The following SPINK5 variants were observed in gnomAD, a reference collection of about 807,000 sequenced individuals.
The protein encoded by SPINK5 is serine peptidase inhibitor Kazal type 5, also known as serine protease inhibitor Kazal-type 5.
SPINK5 carries 125 observed loss-of-function variants against 151.8 expected under a neutral mutation model. The ratio of observed to expected loss-of-function variants is 0.82; its 90% CI spans 0.71 to 0.96. SPINK5 has a LOEUF of 0.96. Ranked by LOEUF, SPINK5 falls within the 40% of genes least tolerant of loss-of-function variation. SPINK5 has a pLI of 0.00. For synonymous variants in SPINK5, 374 were observed against 395.3 expected (o/e 0.95, Z 0.64); for missense variants, 1,194 against 1,291.9 (o/e 0.92, Z 1.16).
chr5:148,121,856 T>C (rs1354824565), intron 26 of SPINK5, among the ~76,000 whole-genome samples: 2 of 151,732 alleles, frequency 1.3e-5, no homozygotes, highest in Non-Finnish European at 2.9e-5. Context: ...TAACTCTAGC[T>C]ACTTGGGAGG....
Position 148,086,475 on chromosome 5 carries a change from T to C in SPINK5, c.353T>C (p.Val118Ala), listed in dbSNP as rs1160188902. The C allele has an allele frequency of 6.2e-7, 1 of 1,612,064 alleles. No homozygotes were observed. Among genetic ancestry groups the C allele is most frequent in the African/African-American group, 1.3e-5 (1 of 74,842 alleles). ...ATCTGTCCTGATTATTATGAAGCTG[T>C]TTGTGGCACAGATGGGAAAACATAT... ...DFICPDYYEAVCGTDGKTYDN... is the reference protein window; with the variant it reads ...DFICPDYYEAACGTDGKTYDN... Residue 118 changes from valine (V) to alanine (A), a missense_variant, in exon 5 of 33, where the codon GTT (valine) becomes GCT (alanine). Coordinates refer to ENST00000256084, the MANE Select transcript of SPINK5 (RefSeq NM_006846.4).
chr5:148,122,541 A>G (rs1176868473), intron 26 of SPINK5, among the ~76,000 whole-genome samples: 1 of 150,896 alleles, frequency 6.6e-6, no homozygotes, highest in South Asian at 2.2e-4. Context: ...TGAAGATTTT[A>G]GTACATTCTA....
In SPINK5 at chr5:148,091,184, G is replaced by C. The variant is rs200583548; in HGVS notation, c.622G>C (p.Ala208Pro). 1.9e-6 allele frequency: 3 copies of C among 1,611,394 alleles called. No individual in the cohort carries two copies. Among genetic ancestry groups the C allele is most frequent in the Non-Finnish European group, 2.5e-6 (3 of 1,178,568 alleles). ...TAACAGTTTAAAAGAAGCTGAAAAT[G>C]CCAAGCGAGAGGGTGAAACTAGAAT... ...AELFLKEAEN[A>P]KREGETRIRR... The change falls in exon 8 of 33, where the codon GCC becomes CCC. Residue 208 changes from alanine to proline, a missense_variant. Transcript: ENST00000256084.
chr5:148,071,130 A>G (rs1347107443), intron 3 of SPINK5, among the ~76,000 whole-genome samples: 1 of 152,134 alleles, frequency 6.6e-6, no homozygotes, highest in Admixed American at 6.6e-5. Context: ...TCCTCAAACC[A>G]GAATGTCCTA....
chr5:148,106,968 C>T (rs1753796381), intron 16 of SPINK5, 69 bp from the exon 17 acceptor site: 1 of 1,592,348 alleles, frequency 6.3e-7, no homozygotes. Flanking sequence ...GTTACATATT[C>T]CTCATAATAG....
chr5:148,066,668 C>A (rs1388069787), intron 2 of SPINK5, among the ~76,000 whole-genome samples: 1 of 151,954 alleles, frequency 6.6e-6, no homozygotes, highest in Non-Finnish European at 1.5e-5. Context: ...AGAGAGCATG[C>A]TCACTTGGAA....
chr5:148,074,965 G>T (rs1752840598), intron 4 of SPINK5, among the ~76,000 whole-genome samples: 1 of 151,266 alleles, frequency 6.6e-6, no homozygotes, highest in Admixed American at 6.6e-5. Context: ...GATTTCTTCA[G>T]GTTAATCTTA....
chr5:148,124,200 T>G (rs537262440), intron 27 of SPINK5, among the ~76,000 whole-genome samples: 1 of 152,196 alleles, frequency 6.6e-6, no homozygotes, highest in Non-Finnish European at 1.5e-5. Flanking sequence ...CTAGGTAACC[T>G]GGGACAGGCC....
At chr5:148,124,951 T>C in intron 28 of SPINK5, 114 bp downstream of exon 28, 1 of 1,277,584 alleles carries the variant, frequency 7.8e-7, no homozygotes, top group African/African-American at 1.5e-5. Flanking sequence ...TCAAAGAAAA[T>C]TGATTTTTCT....
Position 148,070,473 on chromosome 5 carries a change from C to A in SPINK5, c.209+23C>A. Reference sequence around the variant, plus strand: ...ACTGTGAGTAAAGGTTTCTTTCTTTCTTTCCAATGTTTGAGTTAACAGCTA... The same window carrying A: ...ACTGTGAGTAAAGGTTTCTTTCTTTATTTCCAATGTTTGAGTTAACAGCTA... On this transcript the variant is annotated intron_variant, in intron 3 of 32. Transcript: ENST00000256084. The A allele has an allele frequency of 1.9e-6, 3 of 1,611,136 alleles. No homozygotes were observed. The African/African-American group carries it at 4.0e-5, about 22-fold the overall frequency.
At chr5:148,104,588 A>T (rs1314610538) in intron 15 of SPINK5, among the ~76,000 whole-genome samples, 1 of 152,102 alleles carries the variant, frequency 6.6e-6, no homozygotes, top group Non-Finnish European at 1.5e-5. Flanking sequence ...TTAAGGATCT[A>T]GTCTACTATA....
chr5:148,112,863 TA>T lies in SPINK5; in HGVS notation c.1821-4del. Reference sequence around the variant, plus strand: ...ATGATTGTTTTGTCCTCCCTTTTCTTATAGCCAGCAAGAAGCAAAAGAAAAA... The same window carrying T: ...ATGATTGTTTTGTCCTCCCTTTTCTTTAGCCAGCAAGAAGCAAAAGAAAAA... On this transcript the variant is annotated splice_region_variant and splice_polypyrimidine_tract_variant and intron_variant, in intron 19 of 32. Coordinates refer to ENST00000256084, the MANE Select transcript of SPINK5 (RefSeq NM_006846.4). 1 of 1,613,858 alleles carries T rather than the reference TA, an allele frequency of 6.2e-7. No homozygotes were observed. The highest frequency in any genetic ancestry group is 1.1e-5 in the South Asian group (1 of 91,070).
At chr5:148,120,872 C>T (rs1489838760) in intron 26 of SPINK5, among the ~76,000 whole-genome samples, 2 of 151,954 alleles carry the variant, frequency 1.3e-5, no homozygotes, top group South Asian at 2.1e-4. Flanking sequence ...AGGCCAGGCA[C>T]GGTGGCTCAG....
chr5:148,071,015 G>A (rs1752725147), intron 3 of SPINK5, among the ~76,000 whole-genome samples: 1 of 152,076 alleles, frequency 6.6e-6, no homozygotes, highest in Non-Finnish European at 1.5e-5. Flanking sequence ...GAAAGAATTA[G>A]TATCCTGGAA....
chr5:148,125,239 A>G (rs1457113994), intron 28 of SPINK5, among the ~76,000 whole-genome samples: 2 of 152,188 alleles, frequency 1.3e-5, no homozygotes. Flanking sequence ...TCTCCCTTTT[A>G]GCTTCCCTTC....
In SPINK5 at chr5:148,100,450, G is replaced by A. The variant is rs754019195; in HGVS notation, c.1093-4G>A. On this transcript the variant is annotated splice_region_variant and splice_polypyrimidine_tract_variant and intron_variant, in intron 12 of 32. Coordinates refer to ENST00000256084, the MANE Select transcript of SPINK5 (RefSeq NM_006846.4). ...TGGCCAACTTACTTCTTCTATCTCG[G>A]CAGGAGCTTTGCAGTGAATATCGAA... 64 of 1,610,790 alleles carry A rather than the reference G, an allele frequency of 4.0e-5. No homozygotes were observed. The Middle Eastern group carries it at 6.6e-4, about 17-fold the overall frequency.
chr5:148,121,311 C>G (rs1054133649), intron 26 of SPINK5, among the ~76,000 whole-genome samples: 8 of 113,762 alleles, frequency 7.0e-5, no homozygotes, highest in Non-Finnish European at 1.3e-4. Context: ...ACAGCACAAT[C>G]TTTTAATGCA....
At position 148,136,994 on chromosome 5, in the gene SPINK5, G is replaced by GGAA. The variant is rs564723902; in HGVS notation, c.*6_*8dup. On this transcript the variant is annotated 3_prime_UTR_variant, in exon 33 of 33. Transcript: ENST00000256084. ...ATCTTCTCTTCTAGGACGAATGACA[G>GGAA]GAAGATTGTTGAAAGCCATGAGGGA... 420 of 1,613,658 alleles carry GGAA rather than the reference G, an allele frequency of 2.6e-4. 1 individual carries two copies. In the African/African-American group the frequency reaches 4.8e-3, roughly 18 times the overall value.
At chr5:148,100,629 CTATT>C in intron 13 of SPINK5, 48 bp downstream of exon 13, 1 of 1,605,104 alleles carries the variant, frequency 6.2e-7, no homozygotes, top group Non-Finnish European at 8.5e-7. Flanking sequence ...TTTGTTCTTT[CTATT>C]TCATTTCCAT....
Sources: allele counts gnomAD v4.1 joint callset (sites outside exome capture counted in the v4.1 genomes callset), GRCh38; gene constraint gnomAD v4.1.1; transcripts MANE v1.5; gene names NCBI Gene and HGNC (gene_info 2026-07-23, HGNC 2026-07-21).